The following WASF3 variants were observed in gnomAD, a reference collection of about 807,000 sequenced individuals.
The protein encoded by WASF3 is WASP family member 3, also known as actin-binding protein WASF3.
Under a neutral mutation model 46.6 loss-of-function variants are expected in WASF3, and 11 were observed. The observed-to-expected ratio is 0.24, with a 90% CI of 0.15 to 0.39. WASF3 has a LOEUF of 0.39. Among genes scored for constraint, WASF3 ranks in the 10% least tolerant of loss-of-function variants. The pLI is 1.00. For synonymous variants in WASF3, 242 were observed against 259.7 expected (o/e 0.93, Z 0.65); for missense variants, 576 against 669.8 (o/e 0.86, Z 1.55).
At chr13:26,657,128 C>T (rs1033230434) in intron 3 of WASF3, among the ~76,000 whole-genome samples, 4 of 152,204 alleles carry the variant, frequency 2.6e-5, no homozygotes, top group African/African-American at 9.6e-5. Context: ...AAGCCCTTTG[C>T]TTGTTCGCTT....
upstream of WASF3, among the ~76,000 whole-genome samples, chr13:26,554,921 T>C (rs1879065617): frequency 6.6e-6 from 1 of 152,190 alleles, no homozygotes; most frequent in African/African-American, 2.4e-5. Flanking sequence ...CTGGACTGAA[T>C]TGTGAGACTA....
chr13:26,606,332 G>A (rs1880797699), intron 1 of WASF3, among the ~76,000 whole-genome samples: 2 of 78,234 alleles, frequency 2.6e-5, no homozygotes, highest in South Asian at 7.1e-4. Context: ...GTGTGTGTGT[G>A]TGTGTGTGTG....
chr13:26,547,393 A>AACACACAC, the WASF3 span, among the ~76,000 whole-genome samples: 87 of 131,344 alleles, frequency 6.6e-4, no homozygotes, highest in African/African-American at 2.3e-3. Context: ...CTACCCCATC[A>AACACACAC]ACACACACAC....
intron 2 of WASF3, chr13:26,641,063 G>A (rs906220304): frequency 6.6e-6 from 1 of 152,184 alleles, no homozygotes; most frequent in Non-Finnish European, 1.5e-5. Flanking sequence ...CTTTGATTTA[G>A]TATTCCTGTT....
intron 5 of WASF3, among the ~76,000 whole-genome samples, chr13:26,670,284 A>T (rs770557490): frequency 1.3e-5 from 2 of 152,068 alleles, no homozygotes; most frequent in Non-Finnish European, 2.9e-5. Context: ...TTCTCCACTC[A>T]TAAGTGGGAG....
chr13:26,651,129 C>G lies in WASF3; in HGVS notation c.133+8726C>G, dbSNP rs190256259. ...TTGAGGCCAGGAGTTCGAGAGCAGC[C>G]TCGCCAACATGATGAAACCCCAACT... is the stretch of plus-strand genomic sequence containing the variant. On this transcript the variant is annotated intron_variant, in intron 3 of 9. Transcript: ENST00000335327. Among the ~76,000 whole-genome samples the G allele has an allele frequency of 1.5e-3, 234 of 152,230 alleles. 1 individual carries two copies. The highest frequency in any genetic ancestry group is 5.5e-3 in the African/African-American group (230 of 41,546).
chr13:26,574,303 T>G (rs1242797876), intron 1 of WASF3, among the ~76,000 whole-genome samples: 1 of 152,214 alleles, frequency 6.6e-6, no homozygotes, highest in African/African-American at 2.4e-5. Flanking sequence ...CTGCTTTGTA[T>G]CAAGTAGTGT....
chr13:26,666,852 G>A (rs1416259030), intron 4 of WASF3, among the ~76,000 whole-genome samples: 1 of 117,708 alleles, frequency 8.5e-6, no homozygotes, highest in Admixed American at 1.1e-4. Flanking sequence ...CTGGGTTACA[G>A]AGCAAGACTG....
At chr13:26,593,300 G>T (rs1880360167) in intron 1 of WASF3, among the ~76,000 whole-genome samples, 1 of 152,166 alleles carries the variant, frequency 6.6e-6, no homozygotes. Context: ...CTGCTTGCCG[G>T]TGCCTCCTGA....
chr13:26,553,429 A>G (rs1467910306), upstream of WASF3, among the ~76,000 whole-genome samples: 1 of 151,908 alleles, frequency 6.6e-6, no homozygotes, highest in East Asian at 1.9e-4. Context: ...GTACACTAGA[A>G]TGATCCAGAC....
intron 4 of WASF3, among the ~76,000 whole-genome samples, chr13:26,666,210 G>C (rs1215070638): frequency 6.6e-6 from 1 of 152,144 alleles, no homozygotes; most frequent in African/African-American, 2.4e-5. Context: ...TAGTTGGTCT[G>C]TTCAGGTAAG....
chr13:26,577,175 T>G lies in WASF3; in HGVS notation c.-109+19356T>G, dbSNP rs1388907497. The G allele has an allele frequency of 5.3e-6, 4 of 756,340 alleles. No individual in the cohort carries two copies. The East Asian group carries it at 9.8e-5, about 18-fold the overall frequency. The allele number at this position is 756,340 out of a possible 1,614,324, so 46.9% of individuals were successfully genotyped here. ...GAAGATGTTCAGGGCAAAAACTTCC[T>G]AACTTCCTTGGCATGGATCTTACCT... On this transcript the variant is annotated intron_variant, in intron 1 of 9. Coordinates refer to ENST00000335327, the MANE Select transcript of WASF3 (RefSeq NM_006646.6).
chr13:26,570,713 G>C (rs1879609073), intron 1 of WASF3, among the ~76,000 whole-genome samples: 1 of 152,096 alleles, frequency 6.6e-6, no homozygotes, highest in Admixed American at 6.5e-5. Context: ...GGACATTTAG[G>C]TAGCTTCCAA....
chr13:26,647,547 C>T (rs1882185906), intron 3 of WASF3, among the ~76,000 whole-genome samples: 1 of 152,064 alleles, frequency 6.6e-6, no homozygotes, highest in African/African-American at 2.4e-5. Flanking sequence ...AATCAGATTC[C>T]TACTGGTATT....
intron 1 of WASF3, among the ~76,000 whole-genome samples, chr13:26,564,669 G>C (rs1041808698): frequency 1.3e-5 from 2 of 152,134 alleles, no homozygotes; most frequent in African/African-American, 4.8e-5. Flanking sequence ...GAATCAGTGT[G>C]GCCATTATTT....
chr13:26,552,182 C>G, the WASF3 span, among the ~76,000 whole-genome samples: 3 of 152,152 alleles, frequency 2.0e-5, no homozygotes, highest in African/African-American at 7.2e-5. Context: ...GCTGGGTTAC[C>G]TTGGGGGAAA....
chr13:26,590,523 A>G lies in WASF3; in HGVS notation c.-108-22438A>G, dbSNP rs1880258930. ...CTTAAACCAGAAATATGCCCTATAA[A>G]TCTACTCACAAAAGTAATCTGGATG... On this transcript the variant is annotated intron_variant, in intron 1 of 9. Coordinates refer to ENST00000335327, the MANE Select transcript of WASF3 (RefSeq NM_006646.6). Among the ~76,000 whole-genome samples, 3 of 152,258 alleles carry G rather than the reference A, an allele frequency of 2.0e-5. No individual in the cohort carries two copies. The South Asian group carries it at 6.2e-4, about 32-fold the overall frequency.
chr13:26,555,617 AT>A (rs1432940299), upstream of WASF3, among the ~76,000 whole-genome samples: 1 of 152,126 alleles, frequency 6.6e-6, no homozygotes, highest in Non-Finnish European at 1.5e-5. Flanking sequence ...ATTTTCCTCA[AT>A]GTGATGCAAT....
intron 1 of WASF3, among the ~76,000 whole-genome samples, chr13:26,602,897 A>T (rs1403712101): frequency 1.3e-5 from 2 of 152,258 alleles, no homozygotes; most frequent in African/African-American, 4.8e-5. Context: ...TCTTTGTCCA[A>T]ATGTAAGACT....
Sources: gnomAD v4.1 joint callset for allele counts (sites outside exome capture counted in the v4.1 genomes callset) on GRCh38, gnomAD v4.1.1 for gene constraint, MANE v1.5 for transcripts, NCBI Gene and HGNC (gene_info 2026-07-23, HGNC 2026-07-21) for gene names.